ZFP64: variants seen among roughly 807,000 people sequenced by gnomAD.
ZFP64 encodes ZFP64 zinc finger protein, also known as zinc finger protein 64.
Under a neutral mutation model 51.6 loss-of-function variants are expected in ZFP64, and 14 were observed. The observed-to-expected ratio is 0.27, with a 90% confidence interval of 0.18 to 0.42. The LOEUF is 0.42. Ranked by LOEUF, ZFP64 falls within the 10% of genes least tolerant of loss-of-function variation. The pLI, the probability that ZFP64 is intolerant of heterozygous loss-of-function variation, is 1.00. For missense variants in ZFP64, 754 were observed against 906.8 expected (o/e 0.83, Z 2.16); for synonymous variants, 375 against 361.4 (o/e 1.04, Z -0.43).
At chr20:52,087,645 A>T (rs1194809417) in intron 8 of ZFP64, among the ~76,000 whole-genome samples, 1 of 152,216 alleles carries the variant, frequency 6.6e-6, no homozygotes. Flanking sequence ...TGGATGCCAG[A>T]GGTTTCACCT....
chr20:52,165,230 G>T (rs959127104), intron 3 of ZFP64: 4 of 456,442 alleles, frequency 8.8e-6, no homozygotes, highest in Admixed American at 4.7e-5. Flanking sequence ...CAGTAGGTTA[G>T]ATAATAGTTC....
Position 52,116,438 on chromosome 20 carries a change from ATTTC to A in ZFP64, c.764-17855_764-17852del, listed in dbSNP as rs199824588. Among the ~76,000 whole-genome samples, 492 of 140,650 alleles carry A rather than the reference ATTTC, an allele frequency of 3.5e-3. 3 individuals are homozygous for A. The highest frequency in any genetic ancestry group is 9.8e-3 in the African/African-American group (381 of 38,702). The allele number at this position is 140,650 out of a possible 152,430, so 92.3% of individuals were successfully genotyped here. A position where few individuals can be genotyped will look rare whatever the true frequency, so the allele number is the denominator to read the frequency against. ...GGCGTGAGCCACTGCGCCTGGCCAT[ATTTC>A]TTTCTTTTTTTTTTTTTTTAAAGAA... On this transcript the variant is annotated intron_variant, in intron 5 of 8. Coordinates refer to the ZFP64 transcript ENST00000361387.
chr20:52,120,455 C>T (rs906275058), intron 5 of ZFP64, among the ~76,000 whole-genome samples: 3 of 152,132 alleles, frequency 2.0e-5, no homozygotes, highest in Non-Finnish European at 4.4e-5. Context: ...TCACCATGTG[C>T]GTATACGCCA....
At chr20:52,111,145 G>A in intron 5 of ZFP64, 1 of 702,450 alleles carries the variant, frequency 1.4e-6, no homozygotes, top group Non-Finnish European at 2.6e-6. Flanking sequence ...GCCGGGTTCC[G>A]CGACGGGGAG....
intron 7 of ZFP64, among the ~76,000 whole-genome samples, chr20:52,095,062 A>T (rs1173033769): frequency 6.6e-6 from 1 of 152,258 alleles, no homozygotes; most frequent in African/African-American, 2.4e-5. Context: ...GCTTATTTGC[A>T]TATGTTAATT....
At chr20:52,145,639 A>AAAAAC (rs767626968) in intron 5 of ZFP64, among the ~76,000 whole-genome samples, 97 of 152,322 alleles carry the variant, frequency 6.4e-4, no homozygotes, top group South Asian at 2.1e-3. Context: ...ACCCTTTCTC[A>AAAAAC]AAAACAAAAC....
chr20:52,105,817 T>C (rs185296587), intron 5 of ZFP64, among the ~76,000 whole-genome samples: 6 of 152,052 alleles, frequency 3.9e-5, no homozygotes, highest in Non-Finnish European at 7.4e-5. Flanking sequence ...ACTTAATTGG[T>C]CTGGGCTGGG....
chr20:52,084,651 G>A (rs1220802941), exon 9 of ZFP64: 1 of 1,614,084 alleles, frequency 6.2e-7, no homozygotes, highest in Non-Finnish European at 8.5e-7. Context: ...CGGTGGGAAG[G>A]TGACCAAGTC....
At chr20:52,123,053 C>T (rs925132677) in intron 5 of ZFP64, among the ~76,000 whole-genome samples, 2 of 151,812 alleles carry the variant, frequency 1.3e-5, no homozygotes, top group Non-Finnish European at 2.9e-5. Context: ...AGTGGTGGTG[C>T]GATCTTGGCT....
intron 2 of ZFP64, among the ~76,000 whole-genome samples, chr20:52,174,208 G>A (rs770762792): frequency 1.7e-4 from 26 of 150,918 alleles, no homozygotes; most frequent in African/African-American, 3.0e-4. Flanking sequence ...TTTTAGGGCC[G>A]GGAGCGGTGG....
intron 5 of ZFP64, among the ~76,000 whole-genome samples, chr20:52,119,101 T>C (rs1353331639): frequency 1.3e-5 from 2 of 152,024 alleles, no homozygotes; most frequent in Admixed American, 1.3e-4. Context: ...ACTATGATCA[T>C]GCCATTGCAT....
intron 5 of ZFP64, chr20:52,110,885 T>C: frequency 6.2e-7 from 1 of 1,610,312 alleles, no homozygotes; most frequent in East Asian, 2.2e-5. Flanking sequence ...AGATCATCGC[T>C]GGAAGCCGAG....
At chr20:52,128,039 A>G (rs1225318419) in intron 5 of ZFP64, among the ~76,000 whole-genome samples, 1 of 152,078 alleles carries the variant, frequency 6.6e-6, no homozygotes, top group Non-Finnish European at 1.5e-5. Context: ...GGTGTGTTCC[A>G]TGTGTCTGTT....
intron 7 of ZFP64, among the ~76,000 whole-genome samples, chr20:52,095,354 G>T (rs189291272): frequency 2.1e-3 from 325 of 152,262 alleles, no homozygotes; most frequent in African/African-American, 7.2e-3. Context: ...TGCACCCTTG[G>T]GATGACAACG....
downstream of ZFP64, among the ~76,000 whole-genome samples, chr20:52,148,197 G>A (rs4811297): frequency 0.36 from 54,994 of 151,978 alleles, 10,649 homozygotes; most frequent in Non-Finnish European, 0.42. Context: ...AAAAGATTAA[G>A]CTTACCTTAA....
chr20:52,084,997 A>G, exon 9 of ZFP64: 2 of 1,613,894 alleles, frequency 1.2e-6, no homozygotes, highest in Non-Finnish European at 1.7e-6. Flanking sequence ...GAGTAGCTGC[A>G]CTCTGGACAC....
intron 5 of ZFP64, among the ~76,000 whole-genome samples, chr20:52,099,665 T>C (rs1036968718): frequency 6.6e-6 from 1 of 152,212 alleles, no homozygotes; most frequent in African/African-American, 2.4e-5. Context: ...GGATGAATGT[T>C]GAAACATTTA....
chr20:52,184,528 G>C (rs1388798854), intron 2 of ZFP64, among the ~76,000 whole-genome samples: 1 of 152,140 alleles, frequency 6.6e-6, no homozygotes, highest in Non-Finnish European at 1.5e-5. Context: ...CTTACCTTGA[G>C]AATCTTTCTG....
intron 5 of ZFP64, among the ~76,000 whole-genome samples, chr20:52,142,364 TCACACACACACAGACACA>T (rs903007776): frequency 1.4e-4 from 10 of 73,860 alleles, no homozygotes; most frequent in Non-Finnish European, 5.7e-5. Context: ...TGAGACTTCA[TCACACACACACAGACACA>T]CACACACACA....
Sources: gnomAD v4.1 joint callset for allele counts (sites outside exome capture counted in the v4.1 genomes callset) on GRCh38, gnomAD v4.1.1 for gene constraint, MANE v1.5 for transcripts, NCBI Gene and HGNC (gene_info 2026-07-23, HGNC 2026-07-21) for gene names.